Variants in TOGARAM1 observed in about 807,000 individuals in gnomAD.
TOGARAM1 encodes the protein TOG array regulator of axonemal microtubules 1, also known as TOG array regulator of axonemal microtubules protein 1.
TOGARAM1 carries 100 observed loss-of-function variants against 166.6 expected under a neutral mutation model. The ratio of observed to expected loss-of-function variants is 0.60; its 90% CI spans 0.51 to 0.71. TOGARAM1 has a LOEUF of 0.71. Among genes scored for constraint, TOGARAM1 ranks in the 30% least tolerant of loss-of-function variants. The pLI is 0.00. For synonymous variants in TOGARAM1, 758 were observed against 763.8 expected, an observed-to-expected ratio of 0.99 and a Z score of 0.13; for missense variants, 2,029 against 2,102.7, an observed-to-expected ratio of 0.96 and a Z score of 0.69.
chr14:45,046,722 T>A lies in TOGARAM1; in HGVS notation c.4313+19T>A. 2.4e-6 allele frequency: 3 copies of A among 1,257,638 alleles called. No individual in the cohort carries two copies. Among genetic ancestry groups the A allele is most frequent in the Non-Finnish European group, 3.0e-6 (3 of 992,158 alleles). 77.9% of individuals were successfully genotyped at this position (1,257,638 alleles called of 1,614,324 possible). On this transcript the variant is annotated intron_variant, in intron 14 of 19. Transcript: ENST00000361462. Reference sequence around the variant, plus strand: ...AAACCAGGTGAATATCTGCTAATGTTTGCTAAATCTATTATTAATAAGGGC... The same window carrying A: ...AAACCAGGTGAATATCTGCTAATGTATGCTAAATCTATTATTAATAAGGGC...
chr14:45,002,829 A>C (rs911664163), intron 3 of TOGARAM1, among the ~76,000 whole-genome samples: 3 of 152,152 alleles, frequency 2.0e-5, no homozygotes, highest in Non-Finnish European at 2.9e-5. Context: ...TTACAAAAAA[A>C]CTAGCCGGAC....
intron 16 of TOGARAM1, among the ~76,000 whole-genome samples, chr14:45,059,522 G>A (rs948927803): frequency 2.6e-5 from 4 of 152,002 alleles, no homozygotes; most frequent in South Asian, 2.1e-4. Flanking sequence ...GATGGCGCAC[G>A]CCTGTAATCC....
In TOGARAM1 at chr14:45,073,904, A is replaced by G; in HGVS notation, c.*343A>G. 1 of 173,118 alleles carries G rather than the reference A, an allele frequency of 5.8e-6. No homozygotes were observed. The highest frequency in any genetic ancestry group is 1.2e-5 in the Non-Finnish European group (1 of 81,554). 10.7% of individuals were successfully genotyped at this position (173,118 alleles called of 1,614,324 possible). A position where few individuals can be genotyped will look rare whatever the true frequency, so the allele number is the denominator to read the frequency against. Reference sequence around the variant, plus strand: ...AAATTAGAATTGTAATTAAAAATACACATTTTATTATGTAATCATGTTCTG... The same window carrying G: ...AAATTAGAATTGTAATTAAAAATACGCATTTTATTATGTAATCATGTTCTG... On this transcript the variant is annotated 3_prime_UTR_variant, in exon 20 of 20. Coordinates refer to ENST00000361462, the MANE Select transcript of TOGARAM1 (RefSeq NM_001308120.2).
intron 6 of TOGARAM1, among the ~76,000 whole-genome samples, chr14:45,010,455 T>A (rs951655997): frequency 6.6e-6 from 1 of 152,200 alleles, no homozygotes; most frequent in Admixed American, 6.5e-5. Context: ...CTAAAGTCCT[T>A]TTATGATCTT....
intron 13 of TOGARAM1, among the ~76,000 whole-genome samples, chr14:45,045,581 ATATGTGTGTGTGTG>A (rs1881983825): frequency 6.0e-5 from 2 of 33,154 alleles, no homozygotes; most frequent in African/African-American, 2.4e-4. Context: ...ATATATATAT[ATATGTGTGTGTGTG>A]TGTGTGTGTG....
chr14:45,028,425 G>A, intron 10 of TOGARAM1, 96 bp downstream of exon 10: 2 of 1,296,600 alleles, frequency 1.5e-6, no homozygotes, highest in Non-Finnish European at 2.1e-6. Context: ...GACTAAGAAT[G>A]AAATATCTTA....
In TOGARAM1 at chr14:45,045,543, G is replaced by GTATA. The variant is rs375962126; in HGVS notation, c.4154+711_4154+714dup. Among the ~76,000 whole-genome samples the GTATA allele has an allele frequency of 4.9e-3, 191 of 38,706 alleles. 3 individuals carry two copies. The highest frequency in any genetic ancestry group is 7.3e-3 in the Non-Finnish European group (145 of 19,952). 25.4% of individuals were successfully genotyped at this position (38,706 alleles called of 152,430 possible). ...GAGTAGTATTCCATGGTCTGTGTGT[G>GTATA]TATATATATATATATATATATATAT... On this transcript the variant is annotated intron_variant, in intron 13 of 19. Coordinates refer to ENST00000361462, the MANE Select transcript of TOGARAM1 (RefSeq NM_001308120.2).
In TOGARAM1 at chr14:45,027,412, A is replaced by T. The variant is rs1341575177; in HGVS notation, c.3442A>T (p.Ile1148Phe). The T allele has an allele frequency of 1.2e-6, 2 of 1,613,528 alleles. No homozygotes were observed. The highest frequency in any genetic ancestry group is 3.3e-5 in the Admixed American group (2 of 59,908). ...ACAAAGTATTGAACCACCATCAGGG[A>T]TTTATGGAAGATCAGTCCAGCAAAA... The part of the protein sequence containing the change: ...IKQSIEPPSG[I>F]YGRSVQQNIS... The change falls in exon 9 of 20, where the codon ATT becomes TTT. Residue 1148 changes from isoleucine (I) to phenylalanine (F), a missense_variant. By Grantham distance (21) the Ile-to-Phe change is conservative (BLOSUM62 0). Coordinates refer to ENST00000361462, the MANE Select transcript of TOGARAM1 (RefSeq NM_001308120.2).
At chr14:44,999,246 A>G in intron 2 of TOGARAM1, 117 bp from the exon 3 acceptor site, 1 of 1,043,570 alleles carries the variant, frequency 9.6e-7, no homozygotes, top group Non-Finnish European at 1.3e-6. Flanking sequence ...ACCTCACTGT[A>G]CTTAAACACT....
chr14:45,073,792 G>A lies in TOGARAM1; in HGVS notation c.*231G>A. On this transcript the variant is annotated 3_prime_UTR_variant, in exon 20 of 20. Transcript: ENST00000361462. ...ATAATTCATGAAATCTGAGTCACATGGGATGAATTCAATTTTAATATTTTT... is the reference window on the plus strand; with the variant it reads ...ATAATTCATGAAATCTGAGTCACATAGGATGAATTCAATTTTAATATTTTT... 1 of 388,264 alleles carries A rather than the reference G, an allele frequency of 2.6e-6. No individual in the cohort carries two copies. The highest frequency in any genetic ancestry group is 4.2e-5 in the Admixed American group (1 of 23,748). 24.1% of individuals were successfully genotyped at this position (388,264 alleles called of 1,614,324 possible). A position where few individuals can be genotyped will look rare whatever the true frequency, so the allele number is the denominator to read the frequency against.
Position 44,964,373 on chromosome 14 carries a change from G to T in TOGARAM1, c.1952G>T (p.Ser651Ile). The T allele has an allele frequency of 6.2e-7, 1 of 1,613,834 alleles. No homozygotes were observed. The highest frequency in any genetic ancestry group is 1.1e-5 in the South Asian group (1 of 91,032). The part of the protein sequence containing the change: ...SPTICTRRVL[S>I]AGKGKNKLPW... ...ACTATCTGTACCCGAAGGGTATTAA[G>T]TGCAGGAAAAGGAAAAAATAAATTA... The change falls in exon 1 of 20, where the codon AGT becomes ATT. Residue 651 changes from serine (S) to isoleucine (I), a missense_variant. By Grantham distance (142) the Ser-to-Ile change is moderately radical (BLOSUM62 -2). This residue lies in a region of TOGARAM1 where 1,453 missense variants were observed against 1,432.2 expected (regional missense o/e 1.01). Coordinates refer to ENST00000361462, the MANE Select transcript of TOGARAM1 (RefSeq NM_001308120.2).
Position 45,027,386 on chromosome 14 carries a change from A to C in TOGARAM1, c.3416A>C (p.Lys1139Thr). 6.2e-7 allele frequency: 1 copy of C among 1,613,862 alleles called. No individual in the cohort carries two copies. Among genetic ancestry groups the C allele is most frequent in the Non-Finnish European group, 8.5e-7 (1 of 1,179,886 alleles). Residue 1139 changes from lysine to threonine, a missense_variant, in exon 9 of 20, where the codon AAA becomes ACA. Lys to Thr is a moderately conservative substitution (Grantham distance 78). This residue lies in a region of TOGARAM1 where 1,453 missense variants were observed against 1,432.2 expected (regional missense o/e 1.01). Coordinates refer to ENST00000361462, the MANE Select transcript of TOGARAM1 (RefSeq NM_001308120.2). Reference sequence around the variant, plus strand: ...GAAAATGGGGATACATTTTCAATTAAACAAAGTATTGAACCACCATCAGGG... The same window carrying C: ...GAAAATGGGGATACATTTTCAATTACACAAAGTATTGAACCACCATCAGGG... ...SVENGDTFSI[K>T]QSIEPPSGIY...
In TOGARAM1 at chr14:45,054,454, T is replaced by C. The variant is rs376700691; in HGVS notation, c.4464T>C (p.Asp1488=). 9.9e-6 allele frequency: 16 copies of C among 1,612,332 alleles called. No individual in the cohort carries two copies. Among genetic ancestry groups the C allele is most frequent in the Non-Finnish European group, 1.3e-5 (15 of 1,178,848 alleles). Residue 1488 remains aspartate (D), a synonymous_variant, in exon 16 of 20, where the codon GAT becomes GAC. Transcript: ENST00000361462. ...QQKGLGEIPL[D]TPSAKGRRSH... is the part of the protein sequence containing the mutation. ...AGGGTTTGGGGGAGATACCATTAGA[T>C]ACTCCTTCAGCAAAAGGAAGACGAT... is the stretch of plus-strand genomic sequence containing the variant.
chr14:44,988,438 TC>T (rs1886966589), intron 1 of TOGARAM1, among the ~76,000 whole-genome samples: 1 of 152,222 alleles, frequency 6.6e-6, no homozygotes, highest in Non-Finnish European at 1.5e-5. Context: ...TATTTCATTC[TC>T]ATGAAATAAC....
In TOGARAM1 at chr14:44,963,774, C is replaced by T. The variant is rs200300639; in HGVS notation, c.1353C>T (p.Ile451=). The change falls in exon 1 of 20, where the codon ATC becomes ATT. Residue 451 remains isoleucine (I), a synonymous_variant. Coordinates refer to ENST00000361462, the MANE Select transcript of TOGARAM1 (RefSeq NM_001308120.2). ...TGCTGGCGGACAACAAGTTGGTGAT[C>T]AAACAAGAATACATGAAAATCTTCC... ...VKVLADNKLV[I]KQEYMKIFLK... is the part of the protein sequence containing the mutation. The T allele has an allele frequency of 1.7e-5, 27 of 1,613,874 alleles. No individual in the cohort carries two copies. The highest frequency in any genetic ancestry group is 1.5e-4 in the Admixed American group (9 of 60,000).
intron 1 of TOGARAM1, among the ~76,000 whole-genome samples, chr14:44,985,551 A>C (rs1399004703): frequency 2.6e-5 from 4 of 152,230 alleles, no homozygotes; most frequent in Non-Finnish European, 5.9e-5. Flanking sequence ...TTGCATATGC[A>C]GTTCACAATA....
In TOGARAM1 at chr14:45,073,629, TTA is replaced by T; in HGVS notation, c.*70_*71del. 6.8e-7 allele frequency: 1 copy of T among 1,465,480 alleles called. No homozygotes were observed. The highest frequency in any genetic ancestry group is 9.2e-7 in the Non-Finnish European group (1 of 1,091,508). The allele number at this position is 1,465,480 out of a possible 1,614,324, so 90.8% of individuals were successfully genotyped here. A position where few individuals can be genotyped will look rare whatever the true frequency, so the allele number is the denominator to read the frequency against. On this transcript the variant is annotated 3_prime_UTR_variant, in exon 20 of 20. Transcript: ENST00000361462. ...GATGACAAATGGAACTTTCTAAAAGTTATGTTATCAGTGCCTGCACTTCACAT... is the reference window on the plus strand; with the variant it reads ...GATGACAAATGGAACTTTCTAAAAGTTGTTATCAGTGCCTGCACTTCACAT...
At chr14:45,062,825 G>A (rs558951785) in intron 16 of TOGARAM1, among the ~76,000 whole-genome samples, 1 of 152,318 alleles carries the variant, frequency 6.6e-6, no homozygotes, top group South Asian at 2.1e-4. Context: ...TCAACATACA[G>A]TGGGTTTATC....
intron 8 of TOGARAM1, among the ~76,000 whole-genome samples, chr14:45,026,939 T>C (rs1206154505): frequency 1.3e-5 from 2 of 151,354 alleles, no homozygotes; most frequent in African/African-American, 4.9e-5. Flanking sequence ...GCTTGGGAGG[T>C]GGAGGTTGCA....
Sources: gnomAD v4.1 joint callset for allele counts (sites outside exome capture counted in the v4.1 genomes callset) on GRCh38, gnomAD v4.1.1 for gene constraint, gnomAD v4.1.1 regional missense constraint, MANE v1.5 for transcripts, NCBI Gene and HGNC (gene_info 2026-07-23, HGNC 2026-07-21) for gene names.